The following CEP128 variants were observed in gnomAD, a reference collection of about 807,000 sequenced individuals.
The protein encoded by CEP128 is centrosomal protein 128.
CEP128 carries 132 observed loss-of-function variants against 156.7 expected under a neutral mutation model. The observed-to-expected ratio is 0.84, with a 90% CI of 0.73 to 0.97. CEP128 has a LOEUF of 0.97. Among genes scored for constraint, CEP128 ranks in the 50% least tolerant of loss-of-function variants. The probability of loss-of-function intolerance (pLI) is 0.00; values close to 1 mark genes in which losing one functional copy is unlikely to be tolerated. For synonymous variants in CEP128, 469 were observed against 448.9 expected (o/e 1.04, Z -0.57); for missense variants, 1,252 against 1,281.9 (o/e 0.98, Z 0.36).
intron 8 of CEP128, among the ~76,000 whole-genome samples, chr14:80,868,240 CTA>C (rs1476631731): frequency 6.6e-6 from 1 of 152,106 alleles, no homozygotes; most frequent in African/African-American, 2.4e-5. Context: ...TTATAATACT[CTA>C]ATACTTATAA....
At chr14:80,823,297 T>C (rs571193553) in intron 13 of CEP128, among the ~76,000 whole-genome samples, 3 of 152,338 alleles carry the variant, frequency 2.0e-5, no homozygotes, top group South Asian at 4.1e-4. Context: ...CATTTCGAGA[T>C]TGCGGATCTT....
At chr14:80,712,513 G>C (rs1405900365) in intron 19 of CEP128, among the ~76,000 whole-genome samples, 1 of 152,120 alleles carries the variant, frequency 6.6e-6, no homozygotes, top group African/African-American at 2.4e-5. Context: ...CCTATGGAAG[G>C]GCCACAGATA....
chr14:80,882,016 T>C (rs1009755705), intron 8 of CEP128, among the ~76,000 whole-genome samples: 1 of 151,868 alleles, frequency 6.6e-6, no homozygotes, highest in Non-Finnish European at 1.5e-5. Flanking sequence ...CTAGCTAGAA[T>C]AATAAGACAA....
intron 14 of CEP128, among the ~76,000 whole-genome samples, chr14:80,789,978 TA>T (rs1412653161): frequency 1.3e-5 from 2 of 152,092 alleles, no homozygotes; most frequent in East Asian, 3.9e-4. Context: ...CTGTATGTGA[TA>T]GGACTCCATA....
chr14:80,740,001 G>A (rs1898728671), intron 19 of CEP128, among the ~76,000 whole-genome samples: 1 of 151,962 alleles, frequency 6.6e-6, no homozygotes, highest in Admixed American at 6.6e-5. Context: ...TTTCAAAACA[G>A]GGAAAAATAA....
At chr14:80,631,861 T>C (rs958939615) in intron 19 of CEP128, among the ~76,000 whole-genome samples, 3 of 152,106 alleles carry the variant, frequency 2.0e-5, no homozygotes, top group Non-Finnish European at 4.4e-5. Context: ...TAAGAATTTA[T>C]TTTCAATAGT....
chr14:80,549,262 C>T (rs914012649), intron 21 of CEP128, among the ~76,000 whole-genome samples: 3 of 152,116 alleles, frequency 2.0e-5, no homozygotes, highest in African/African-American at 4.8e-5. Context: ...CTTGGCAGAA[C>T]GGGCTAGGAC....
chr14:80,736,257 T>TAA (rs33965250), intron 19 of CEP128, among the ~76,000 whole-genome samples: 42,003 of 147,018 alleles, frequency 0.29, 6,544 homozygotes, highest in Middle Eastern at 0.36. Flanking sequence ...TATAAGGTTT[T>TAA]AAAAAAAAAA....
At chr14:80,902,466 T>C (rs964887455) in intron 6 of CEP128, among the ~76,000 whole-genome samples, 1 of 152,180 alleles carries the variant, frequency 6.6e-6, no homozygotes, top group Non-Finnish European at 1.5e-5. Context: ...CGTTATGCAG[T>C]AACAAGTGAC....
intron 19 of CEP128, among the ~76,000 whole-genome samples, chr14:80,651,955 C>A (rs139402204): frequency 7.9e-5 from 12 of 152,014 alleles, no homozygotes; most frequent in African/African-American, 2.9e-4. Flanking sequence ...GAGCTGAGTT[C>A]AAGTCCTGAA....
chr14:80,840,824 C>G (rs1209387804), intron 9 of CEP128, 56 bp from the exon 10 acceptor site: 8 of 1,052,310 alleles, frequency 7.6e-6, no homozygotes, highest in Non-Finnish European at 1.2e-5. Context: ...AACTGAAAGT[C>G]ACTACTAGAA....
chr14:80,817,894 C>T (rs1884957842), intron 13 of CEP128, among the ~76,000 whole-genome samples: 1 of 151,392 alleles, frequency 6.6e-6, no homozygotes, highest in African/African-American at 2.4e-5. Flanking sequence ...AAGAAAAACT[C>T]ACTTGAAAGC....
intron 8 of CEP128, among the ~76,000 whole-genome samples, chr14:80,873,441 CTG>C (rs1312054014): frequency 6.6e-6 from 1 of 152,194 alleles, no homozygotes; most frequent in African/African-American, 2.4e-5. Context: ...AAAATGATAA[CTG>C]TTTATTATGG....
intron 19 of CEP128, among the ~76,000 whole-genome samples, chr14:80,612,322 G>T (rs1893025958): frequency 6.6e-6 from 1 of 152,086 alleles, no homozygotes; most frequent in African/African-American, 2.4e-5. Flanking sequence ...AATGAATGTA[G>T]ATAGATACAC....
intron 13 of CEP128, among the ~76,000 whole-genome samples, chr14:80,797,710 T>C (rs901781666): frequency 1.6e-4 from 24 of 152,246 alleles, no homozygotes; most frequent in African/African-American, 5.8e-4. Flanking sequence ...CCAACACACA[T>C]ACACTCTCAC....
chr14:80,835,744 G>C (rs1006624293), intron 12 of CEP128, among the ~76,000 whole-genome samples: 2 of 152,078 alleles, frequency 1.3e-5, no homozygotes, highest in Non-Finnish European at 2.9e-5. Flanking sequence ...CCACTCCTGA[G>C]TTGTGATTAA....
At chr14:80,953,853 T>C (rs1455263188) in intron 2 of CEP128, among the ~76,000 whole-genome samples, 1 of 152,208 alleles carries the variant, frequency 6.6e-6, no homozygotes, top group Non-Finnish European at 1.5e-5. Context: ...GAAAGCTATA[T>C]AAATGAATCA....
intron 21 of CEP128, among the ~76,000 whole-genome samples, chr14:80,555,039 G>A (rs770633891): frequency 2.1e-4 from 32 of 151,980 alleles, no homozygotes; most frequent in Non-Finnish European, 3.5e-4. Context: ...AAAGATCCCT[G>A]ATGTAAAACA....
At chr14:80,613,007 A>ATTTTTTTTTTTTTTTT (rs66946967) in intron 19 of CEP128, among the ~76,000 whole-genome samples, 2 of 114,700 alleles carry the variant, frequency 1.7e-5, no homozygotes, top group Non-Finnish European at 1.8e-5. Context: ...CACCCGGCGA[A>ATTTTTTTTTTTTTTTT]TTTTTTTTTT....
Sources: allele counts gnomAD v4.1 joint callset (sites outside exome capture counted in the v4.1 genomes callset), GRCh38; gene constraint gnomAD v4.1.1; transcripts MANE v1.5; gene names NCBI Gene and HGNC (gene_info 2026-07-23, HGNC 2026-07-21).